Variants in TOP1 observed in about 807,000 individuals in gnomAD.
TOP1 encodes DNA topoisomerase I.
Under a neutral mutation model 111.1 loss-of-function variants are expected in TOP1, and 10 were observed. That is an observed-to-expected ratio of 0.09 (90% CI 0.06 to 0.15). The LOEUF is 0.15. Among genes scored for constraint, TOP1 ranks in the 10% least tolerant of loss-of-function variants. The probability of loss-of-function intolerance (pLI) is 1.00; values close to 1 mark genes in which losing one functional copy is unlikely to be tolerated. For synonymous variants in TOP1, 271 were observed against 302.9 expected, an observed-to-expected ratio of 0.89 and a Z score of 1.10; for missense variants, 474 against 926.7, an observed-to-expected ratio of 0.51 and a Z score of 6.34.
Position 41,122,930 on chromosome 20 carries a change from A to G in TOP1, c.2196-265A>G, listed in dbSNP as rs1451205012. Among the ~76,000 whole-genome samples, 2 of 152,246 alleles carry G rather than the reference A, an allele frequency of 1.3e-5. No individual in the cohort carries two copies. The highest frequency in any genetic ancestry group is 3.8e-4 in the East Asian group (2 of 5,206). Reference sequence around the variant, plus strand: ...CACTTACCAGCTAGCTGTGTGAGAAAATCAGTAAATTACCTAACGTCTCTG... The same window carrying G: ...CACTTACCAGCTAGCTGTGTGAGAAGATCAGTAAATTACCTAACGTCTCTG... On this transcript the variant is annotated intron_variant, in intron 20 of 20. Transcript: ENST00000361337. This position sits in a 1 kb window ranked among gnomAD's most constrained non-coding sequence, Gnocchi z 5.4.
rs2122578576 is a variant in TOP1 at position 41,029,493 on chromosome 20, G to A, written c.58+38G>A. 1 of 1,523,852 alleles carries A rather than the reference G, an allele frequency of 6.6e-7. No individual in the cohort carries two copies. The highest frequency in any genetic ancestry group is 8.9e-7 in the Non-Finnish European group (1 of 1,126,994). 94.4% of individuals were successfully genotyped at this position (1,523,852 alleles called of 1,614,324 possible). On this transcript the variant is annotated intron_variant, in intron 2 of 20. Transcript: ENST00000361337. The surrounding 1 kb of genome is among the most constrained non-coding windows in gnomAD (Gnocchi z 6.1). The stretch of plus-strand genomic sequence containing the variant: ...CCTGCGCCGACTCCGGGGCCCCCCA[G>A]CCGCCGGCCGCCTCCCCCGCGCCCT...
chr20:41,117,676 C>T (rs1043489060), intron 17 of TOP1, among the ~76,000 whole-genome samples: 7 of 151,986 alleles, frequency 4.6e-5, no homozygotes, highest in Non-Finnish European at 4.4e-5. Flanking sequence ...TGAGCCACCG[C>T]GCCCGGCCAA....
intron 2 of TOP1, among the ~76,000 whole-genome samples, chr20:41,043,156 A>C (rs926471186): frequency 1.3e-5 from 2 of 152,242 alleles, no homozygotes; most frequent in Non-Finnish European, 2.9e-5. Flanking sequence ...GGCCTCACCC[A>C]TACCTACTGA....
intron 13 of TOP1, among the ~76,000 whole-genome samples, chr20:41,103,617 T>C (rs2034098684): frequency 6.6e-6 from 1 of 151,874 alleles, no homozygotes; most frequent in Non-Finnish European, 1.5e-5. Context: ...GGGATGGCCT[T>C]TCTGAAGAGG....
chr20:41,030,432 A>G lies in TOP1; in HGVS notation c.58+977A>G, dbSNP rs1303388585. The stretch of plus-strand genomic sequence containing the variant: ...CAGTACCCACCCCTGCTTCCTGTTC[A>G]TTCTTTTTCACGAGCCACTGTTTTT... On this transcript the variant is annotated intron_variant, in intron 2 of 20. Coordinates refer to ENST00000361337, the MANE Select transcript of TOP1 (RefSeq NM_003286.4). The surrounding 1 kb of genome is among the most constrained non-coding windows in gnomAD (Gnocchi z 4.1). Among the ~76,000 whole-genome samples the G allele has an allele frequency of 6.7e-6, 1 of 148,916 alleles. No homozygotes were observed. Among genetic ancestry groups the G allele is most frequent in the Non-Finnish European group, 1.5e-5 (1 of 67,508 alleles).
In TOP1 at chr20:41,110,252, T is replaced by G. The variant is rs2034214217; in HGVS notation, c.1309-2530T>G. Among the ~76,000 whole-genome samples, 1 of 151,974 alleles carries G rather than the reference T, an allele frequency of 6.6e-6. No homozygotes were observed. The highest frequency in any genetic ancestry group is 2.1e-4 in the South Asian group (1 of 4,814). ...CTGAGCCGAGATTGCATCACTGTAC[T>G]CCAGCCTGGTGACAGAGCGAGACGC... is the stretch of plus-strand genomic sequence containing the variant. On this transcript the variant is annotated intron_variant, in intron 13 of 20. Transcript: ENST00000361337. The surrounding 1 kb of genome is among the most constrained non-coding windows in gnomAD (Gnocchi z 4.2).
intron 17 of TOP1, among the ~76,000 whole-genome samples, chr20:41,117,806 G>GTAA (rs2034358102): frequency 6.6e-6 from 1 of 152,114 alleles, no homozygotes; most frequent in Non-Finnish European, 1.5e-5. Context: ...ACAAACCATA[G>GTAA]TAATATCAGC....
chr20:41,081,293 T>C (rs961981388), intron 7 of TOP1, 53 bp downstream of exon 7: 32 of 1,549,520 alleles, frequency 2.1e-5, no homozygotes, highest in Non-Finnish European at 2.7e-5. Flanking sequence ...GTGGGAGTTT[T>C]CCAGTAAGCA....
rs1206952906 is a variant in TOP1, at chr20:41,114,426, C to T, written c.1638+271C>T. Among the ~76,000 whole-genome samples, 1 of 152,168 alleles carries T rather than the reference C, an allele frequency of 6.6e-6. No individual in the cohort carries two copies. Among genetic ancestry groups the T allele is most frequent in the Non-Finnish European group, 1.5e-5 (1 of 68,026 alleles). ...GGCAAAATAGTGAGACCTTGCCTCT[C>T]ATATTAAAATAAATAAAAATAAATG... is the stretch of plus-strand genomic sequence containing the variant. On this transcript the variant is annotated intron_variant, in intron 15 of 20. Transcript: ENST00000361337. The surrounding 1 kb of genome is among the most constrained non-coding windows in gnomAD (Gnocchi z 4.5).
In TOP1 at chr20:41,029,440, G is replaced by T. The variant is rs1287804312; in HGVS notation, c.43G>T (p.Asp15Tyr). Residue 15 changes from aspartate (D) to tyrosine (Y), a missense_variant, in exon 2 of 21, where the codon GAT becomes TAT. This residue lies in a region of TOP1 where 185 missense variants were observed against 226.3 expected (regional missense o/e 0.82). Transcript: ENST00000361337. The surrounding 1 kb of genome is among the most constrained non-coding windows in gnomAD (Gnocchi z 6.1). ...CCTTTTCTTTTTCCAGATCGAAGCG[G>T]ATTTCCGATTGAATGGTGAGTGTGC... ...HLHNDSQIEADFRLNDSHKHK... is the reference protein window; with the variant it reads ...HLHNDSQIEAYFRLNDSHKHK... 1 of 1,496,284 alleles carries T rather than the reference G, an allele frequency of 6.7e-7. No homozygotes were observed. The highest frequency in any genetic ancestry group is 8.9e-7 in the Non-Finnish European group (1 of 1,121,292). The allele number at this position is 1,496,284 out of a possible 1,614,324, so 92.7% of individuals were successfully genotyped here.
At chr20:41,099,802 AAC>A (rs761457088) in intron 11 of TOP1, among the ~76,000 whole-genome samples, 2 of 152,188 alleles carry the variant, frequency 1.3e-5, no homozygotes, top group Non-Finnish European at 2.9e-5. Context: ...AACATTTACA[AAC>A]ATATATCCTT....
chr20:41,101,493 T>C lies in TOP1; in HGVS notation c.1308+140T>C. The C allele has an allele frequency of 3.3e-6, 3 of 918,492 alleles. No homozygotes were observed. The highest frequency in any genetic ancestry group is 1.6e-6 in the Non-Finnish European group (1 of 624,686). The allele number at this position is 918,492 out of a possible 1,614,324, so 56.9% of individuals were successfully genotyped here. A position where few individuals can be genotyped will look rare whatever the true frequency, so the allele number is the denominator to read the frequency against. ...GAAAGAAGGCAAGTACTTTCATAGT[T>C]AGCATTATGGTGATCTTCCTACAGT... On this transcript the variant is annotated intron_variant, in intron 13 of 20. Transcript: ENST00000361337. The surrounding 1 kb of genome is among the most constrained non-coding windows in gnomAD (Gnocchi z 4.1).
intron 8 of TOP1, among the ~76,000 whole-genome samples, chr20:41,091,522 C>T (rs1443599138): frequency 2.0e-5 from 3 of 150,170 alleles, no homozygotes; most frequent in Admixed American, 2.0e-4. Flanking sequence ...AATGGTTCGG[C>T]CAAAATAGGA....
chr20:41,038,154 T>C (rs1373170980), intron 2 of TOP1, among the ~76,000 whole-genome samples: 1 of 152,174 alleles, frequency 6.6e-6, no homozygotes, highest in Non-Finnish European at 1.5e-5. Flanking sequence ...ATGCGAATAG[T>C]CTCCCGGCCT....
In TOP1 at chr20:41,061,581, T is replaced by A. The variant is rs1378323400; in HGVS notation, c.155+91T>A. ...GGAATAGGTCTTAACTTGAGCTACA[T>A]GTAAAGATAGCAAAGTAAGTAGAAA... On this transcript the variant is annotated intron_variant, in intron 3 of 20. Coordinates refer to ENST00000361337, the MANE Select transcript of TOP1 (RefSeq NM_003286.4). This position sits in a 1 kb window ranked among gnomAD's most constrained non-coding sequence, Gnocchi z 4.6. 9.2e-7 allele frequency: 1 copy of A among 1,089,714 alleles called. No homozygotes were observed. Among genetic ancestry groups the A allele is most frequent in the African/African-American group, 1.6e-5 (1 of 63,268 alleles). The allele number at this position is 1,089,714 out of a possible 1,614,324, so 67.5% of individuals were successfully genotyped here. A position where few individuals can be genotyped will look rare whatever the true frequency, so the allele number is the denominator to read the frequency against.
Position 41,067,167 on chromosome 20 carries a change from T to C in TOP1, c.155+5677T>C, listed in dbSNP as rs886246280. 4.6e-5 allele frequency among the ~76,000 whole-genome samples: 7 copies of C among 152,176 alleles called. No homozygotes were observed. The highest frequency in any genetic ancestry group is 1.7e-4 in the African/African-American group (7 of 41,440). On this transcript the variant is annotated intron_variant, in intron 3 of 20. Transcript: ENST00000361337. This position sits in a 1 kb window ranked among gnomAD's most constrained non-coding sequence, Gnocchi z 4.0. ...TGGAGTCTCACTTTGTCACCCAGGC[T>C]GGAGTGCAGTGGTGTGATCTCGGCT... is the stretch of plus-strand genomic sequence containing the variant.
At chr20:41,108,621 C>A (rs2034185501) in intron 13 of TOP1, among the ~76,000 whole-genome samples, 1 of 152,222 alleles carries the variant, frequency 6.6e-6, no homozygotes, top group Non-Finnish European at 1.5e-5. Flanking sequence ...TTTGTTTTTG[C>A]TTTTCCCCCC....
chr20:41,099,163 T>C (rs1424085403), intron 11 of TOP1, among the ~76,000 whole-genome samples: 7 of 152,256 alleles, frequency 4.6e-5, no homozygotes, highest in Non-Finnish European at 1.0e-4. Flanking sequence ...ATTGTATTGA[T>C]ATAACTCATT....
In TOP1 at chr20:41,029,834, G is replaced by A; in HGVS notation, c.58+379G>A. On this transcript the variant is annotated intron_variant, in intron 2 of 20. Transcript: ENST00000361337. The surrounding 1 kb of genome is among the most constrained non-coding windows in gnomAD (Gnocchi z 6.1). Reference sequence around the variant, plus strand: ...TGTGTCTCTTTCTCTCCCTCCCTCGGCTCTTTCCTTGAGCTGCCCAGAATG... The same window carrying A: ...TGTGTCTCTTTCTCTCCCTCCCTCGACTCTTTCCTTGAGCTGCCCAGAATG... 3.4e-6 allele frequency: 1 copy of A among 294,906 alleles called. No individual in the cohort carries two copies. The highest frequency in any genetic ancestry group is 6.6e-6 in the Non-Finnish European group (1 of 152,444). The allele number at this position is 294,906 out of a possible 1,614,324, so 18.3% of individuals were successfully genotyped here.
Sources: allele counts gnomAD v4.1 joint callset (sites outside exome capture counted in the v4.1 genomes callset), GRCh38; gene constraint gnomAD v4.1.1; regional missense constraint gnomAD v4.1.1; non-coding constraint Gnocchi (gnomAD v3.1); transcripts MANE v1.5; gene names NCBI Gene and HGNC (gene_info 2026-07-23, HGNC 2026-07-21).